Variants in PPIH observed in about 807,000 individuals in gnomAD.
PPIH encodes the protein peptidylprolyl isomerase H, also known as peptidyl-prolyl cis-trans isomerase H.
PPIH carries 16 observed loss-of-function variants against 27.6 expected under a neutral mutation model. The observed-to-expected ratio is 0.58, with a 90% CI of 0.39 to 0.88. PPIH has a LOEUF of 0.88. PPIH is among the 40% of genes least tolerant of loss of function. PPIH has a pLI of 0.00. For synonymous variants in PPIH, 63 were observed against 76.1 expected (o/e 0.83, Z 0.90); for missense variants, 155 against 224.1 (o/e 0.69, Z 1.97).
At chr1:42,665,914 G>C in intron 6 of PPIH, 66 bp from the exon 7 acceptor site, 1 of 1,322,908 alleles carries the variant, frequency 7.6e-7, no homozygotes, top group Non-Finnish European at 1.1e-6. Context: ...AAGCTCTTTT[G>C]GAAATCTTGC....
At chr1:42,668,102 T>C (rs1160515923) in intron 9 of PPIH, among the ~76,000 whole-genome samples, 3 of 152,132 alleles carry the variant, frequency 2.0e-5, no homozygotes, top group Non-Finnish European at 2.9e-5. Flanking sequence ...ATGAGTGACA[T>C]TGCCAAGTAT....
chr1:42,661,465 A>G (rs1649012089), intron 5 of PPIH, among the ~76,000 whole-genome samples: 1 of 152,132 alleles, frequency 6.6e-6, no homozygotes, highest in Non-Finnish European at 1.5e-5. Context: ...CTTTTTTGCT[A>G]ACCATAGCTT....
chr1:42,658,953 C>A, intron 2 of PPIH, 45 bp downstream of exon 2: 2 of 1,598,058 alleles, frequency 1.3e-6, no homozygotes, highest in South Asian at 2.2e-5. Context: ...AGGCAGAAGT[C>A]GGGCTCCAGT....
Position 42,660,286 on chromosome 1 carries a change from CCTT to C in PPIH, c.201-569_201-567del, listed in dbSNP as rs148370717. Among the ~76,000 whole-genome samples, 392 of 152,292 alleles carry C rather than the reference CCTT, an allele frequency of 2.6e-3. 2 individuals carry two copies. Among genetic ancestry groups the C allele is most frequent in the African/African-American group, 8.1e-3 (335 of 41,558 alleles). On this transcript the variant is annotated intron_variant, in intron 4 of 9. Transcript: ENST00000304979. ...TGCTTTGGCAAGTAAGCTTTCAGCC[CCTT>C]CTTCTTATTACTGTTCAGGTACCAG...
chr1:42,679,064 T>G (rs1649963239), downstream of PPIH, among the ~76,000 whole-genome samples: 1 of 152,240 alleles, frequency 6.6e-6, no homozygotes, highest in African/African-American at 2.4e-5. Context: ...TTGTCTGTAC[T>G]GTGCTCACCA....
chr1:42,665,884 C>A, intron 6 of PPIH, 96 bp from the exon 7 acceptor site: 1 of 995,140 alleles, frequency 1.0e-6, no homozygotes, highest in South Asian at 1.3e-5. Context: ...TGAAAAAAAC[C>A]ATAGAGGAAT....
rs765096105 is a variant in PPIH at position 42,667,400 on chromosome 1, C to T, written c.515C>T (p.Ser172Leu). Residue 172 changes from serine (S) to leucine (L), a missense_variant, in exon 9 of 10, where the codon TCG becomes TTG. Ser to Leu is a moderately radical substitution (Grantham distance 145). Around this residue, in one of 2 missense-constraint regions of PPIH, gnomAD observed 96 missense variants for 175.3 expected, o/e 0.55. Transcript: ENST00000304979. Reference protein sequence around the residue: ...NNKPKLPVVISQCGEM With the variant: ...NNKPKLPVVILQCGEM ...AAGCCCAAGCTACCTGTGGTGATCT[C>T]GCAGTGTGGGGAGATGTAGTCCAGA... The T allele has an allele frequency of 1.7e-5, 28 of 1,607,462 alleles. No homozygotes were observed. The highest frequency in any genetic ancestry group is 4.5e-5 in the East Asian group (2 of 44,838).
At chr1:42,668,013 G>C (rs1207576936) in intron 9 of PPIH, among the ~76,000 whole-genome samples, 1 of 152,230 alleles carries the variant, frequency 6.6e-6, no homozygotes, top group Non-Finnish European at 1.5e-5. Context: ...GCTGCAGAGA[G>C]GGGGACAAAG....
chr1:42,659,544 T>C lies in PPIH; in HGVS notation c.178T>C (p.Tyr60His). ...EFRKDGVPIG[Y>H]KGSTFHRVIK... is the part of the protein sequence containing the mutation. ...TAGGAAAGATGGGGTTCCAATAGGA[T>C]ACAAAGGAAGCACCTTCCACAGGTA... is the stretch of plus-strand genomic sequence containing the variant. The change falls in exon 4 of 10, where the codon TAC (tyrosine) becomes CAC (histidine). Residue 60 changes from tyrosine (Y) to histidine (H), a missense_variant. Physicochemically the swap from Tyr to His is moderately conservative, Grantham distance 83. This residue lies in a region of PPIH where 96 missense variants were observed against 175.3 expected (regional missense o/e 0.55). Coordinates refer to ENST00000304979, the MANE Select transcript of PPIH (RefSeq NM_006347.4). The C allele has an allele frequency of 6.2e-7, 1 of 1,614,074 alleles. No homozygotes were observed. Among genetic ancestry groups the C allele is most frequent in the Non-Finnish European group, 8.5e-7 (1 of 1,180,032 alleles).
chr1:42,677,602 G>GA (rs1405116583), downstream of PPIH, among the ~76,000 whole-genome samples: 3 of 152,244 alleles, frequency 2.0e-5, no homozygotes, highest in African/African-American at 7.2e-5. Context: ...TCAGCGTGCA[G>GA]AAGTTCAAGA....
At chr1:42,663,755 G>A (rs1353721441) in intron 5 of PPIH, among the ~76,000 whole-genome samples, 1 of 152,136 alleles carries the variant, frequency 6.6e-6, no homozygotes, top group Admixed American at 6.5e-5. Context: ...GCAAACAAAG[G>A]TTTGAATTTG....
downstream of PPIH, among the ~76,000 whole-genome samples, chr1:42,678,012 GTTGT>G (rs1431872893): frequency 6.6e-6 from 1 of 152,206 alleles, no homozygotes; most frequent in African/African-American, 2.4e-5. Context: ...GGTTAAAAGT[GTTGT>G]TTCAGTGTAT....
rs1228323208 is a variant in PPIH, at chr1:42,665,875, GA to G, written c.337-98del. 13 of 941,258 alleles carry G rather than the reference GA, an allele frequency of 1.4e-5. No homozygotes were observed. In the East Asian group the frequency reaches 2.4e-4, roughly 18 times the overall value. 58.3% of individuals were successfully genotyped at this position (941,258 alleles called of 1,614,324 possible). The stretch of plus-strand genomic sequence containing the variant: ...TAATAGGTGCTAAGTTAGATTTACT[GA>G]AAAAAACCATAGAGGAATCAGTGTT... On this transcript the variant is annotated intron_variant, in intron 6 of 9. Coordinates refer to ENST00000304979, the MANE Select transcript of PPIH (RefSeq NM_006347.4).
intron 9 of PPIH, 32 bp downstream of exon 9, chr1:42,667,472 A>G (rs1649405365): frequency 2.0e-6 from 3 of 1,514,040 alleles, no homozygotes; most frequent in Admixed American, 1.7e-5. Flanking sequence ...TAGGTTAGGA[A>G]TCAGACCTCA....
chr1:42,676,035 G>T (rs1282007174), intron 9 of PPIH, among the ~76,000 whole-genome samples: 1 of 152,184 alleles, frequency 6.6e-6, no homozygotes, highest in African/African-American at 2.4e-5. Context: ...TAGTATGCTT[G>T]ACCATAAATG....
chr1:42,674,097 T>C (rs1649772291), intron 9 of PPIH, among the ~76,000 whole-genome samples: 1 of 152,230 alleles, frequency 6.6e-6, no homozygotes, highest in Admixed American at 6.5e-5. Context: ...GTCAGTTCCA[T>C]CCTTCAAGGA....
intron 9 of PPIH, among the ~76,000 whole-genome samples, chr1:42,671,245 A>G (rs569300520): frequency 1.3e-4 from 20 of 152,262 alleles, no homozygotes; most frequent in Admixed American, 7.2e-4. Context: ...CCTTGCCGAC[A>G]TGGTAAAACC....
In PPIH at chr1:42,669,920, G is replaced by C. The variant is rs939441898; in HGVS notation, c.*21+2480G>C. On this transcript the variant is annotated intron_variant, in intron 9 of 9. Coordinates refer to ENST00000304979, the MANE Select transcript of PPIH (RefSeq NM_006347.4). ...AATTTTTCTGTATAGTGTTAAGATAGGACTTTTTCTTGTCTTTTTTTCCAA... is the reference window on the plus strand; with the variant it reads ...AATTTTTCTGTATAGTGTTAAGATACGACTTTTTCTTGTCTTTTTTTCCAA... 2.6e-5 allele frequency among the ~76,000 whole-genome samples: 4 copies of C among 152,050 alleles called. No homozygotes were observed. The South Asian group carries it at 8.3e-4, about 31-fold the overall frequency.
chr1:42,676,392 C>T (rs1015187854), intron 9 of PPIH, among the ~76,000 whole-genome samples, 192 bp from the exon 10 acceptor site: 1 of 151,788 alleles, frequency 6.6e-6, no homozygotes, highest in Non-Finnish European at 1.5e-5. Context: ...TGCTTGAACC[C>T]GGGAGGCGGA....
Sources: allele counts gnomAD v4.1 joint callset (sites outside exome capture counted in the v4.1 genomes callset), GRCh38; gene constraint gnomAD v4.1.1; regional missense constraint gnomAD v4.1.1; transcripts MANE v1.5; gene names NCBI Gene and HGNC (gene_info 2026-07-23, HGNC 2026-07-21).